GNA14: variants seen among roughly 807,000 people sequenced by gnomAD.
GNA14 encodes the protein guanine nucleotide-binding protein subunit alpha-14.
A neutral mutation model predicts 42.0 loss-of-function variants in GNA14; 50 were observed. That is an observed-to-expected ratio of 1.19 (90% CI 0.95 to 1.51). The LOEUF is 1.51. GNA14 is among the 40% of genes most tolerant of loss of function. GNA14 has a pLI of 0.00. For missense variants in GNA14, 473 were observed against 446.2 expected (o/e 1.06, Z -0.54); for synonymous variants, 173 against 163.1 (o/e 1.06, Z -0.46).
At chr9:77,589,210 G>A (rs893163580) in intron 1 of GNA14, among the ~76,000 whole-genome samples, 33 of 152,148 alleles carry the variant, frequency 2.2e-4, no homozygotes, top group African/African-American at 7.5e-4. Context: ...GGCCTGACAA[G>A]GAAATAAATG....
intron 1 of GNA14, among the ~76,000 whole-genome samples, chr9:77,627,041 T>A (rs1824022838): frequency 6.6e-6 from 1 of 151,944 alleles, no homozygotes; most frequent in Non-Finnish European, 1.5e-5. Context: ...ACAAAAATGA[T>A]AAAGAGGATA....
At chr9:77,638,068 T>A (rs1824209955) in intron 1 of GNA14, among the ~76,000 whole-genome samples, 1 of 152,244 alleles carries the variant, frequency 6.6e-6, no homozygotes, top group African/African-American at 2.4e-5. Flanking sequence ...AACATGGGTA[T>A]ATCAACATGT....
chr9:77,547,771 A>G (rs1422902269), intron 1 of GNA14, among the ~76,000 whole-genome samples: 1 of 152,232 alleles, frequency 6.6e-6, no homozygotes, highest in Non-Finnish European at 1.5e-5. Context: ...GTAAATGAGT[A>G]TAATTAATAA....
intron 1 of GNA14, among the ~76,000 whole-genome samples, chr9:77,644,437 CAAA>C (rs764737417): frequency 3.8e-4 from 13 of 34,020 alleles, no homozygotes; most frequent in East Asian, 1.3e-3. Flanking sequence ...TAAAGAGTGT[CAAA>C]AAAAAAAAAA....
At chr9:77,605,881 A>G (rs991394870) in intron 1 of GNA14, among the ~76,000 whole-genome samples, 2 of 152,200 alleles carry the variant, frequency 1.3e-5, no homozygotes, top group Admixed American at 6.5e-5. Context: ...GAGTTCTAAG[A>G]TCCTATTATA....
At chr9:77,614,539 A>G (rs1009445611) in intron 1 of GNA14, among the ~76,000 whole-genome samples, 2 of 152,176 alleles carry the variant, frequency 1.3e-5, no homozygotes, top group East Asian at 3.8e-4. Context: ...ATCCTTTCTC[A>G]GTCTATGAAA....
At chr9:77,520,531 TA>T (rs1837340236) in intron 2 of GNA14, among the ~76,000 whole-genome samples, 1 of 152,176 alleles carries the variant, frequency 6.6e-6, no homozygotes, top group Non-Finnish European at 1.5e-5. Context: ...TTCCCCTTTA[TA>T]TTTTAGGATA....
chr9:77,486,254 C>G (rs1359013357), intron 2 of GNA14, among the ~76,000 whole-genome samples: 1 of 152,188 alleles, frequency 6.6e-6, no homozygotes, highest in Non-Finnish European at 1.5e-5. Flanking sequence ...TTTCCATAAT[C>G]CTCATGAACC....
chr9:77,594,311 G>GC (rs1379725659), intron 1 of GNA14, among the ~76,000 whole-genome samples: 1 of 152,188 alleles, frequency 6.6e-6, no homozygotes, highest in East Asian at 1.9e-4. Context: ...GACCAGGTCT[G>GC]CCTCTGCCTT....
intron 2 of GNA14, among the ~76,000 whole-genome samples, chr9:77,508,310 C>T (rs992916131): frequency 2.0e-5 from 3 of 152,036 alleles, no homozygotes; most frequent in African/African-American, 4.8e-5. Context: ...ATATATCACA[C>T]GAGTTGTTTT....
chr9:77,586,973 C>A (rs1483993377), intron 1 of GNA14, among the ~76,000 whole-genome samples: 4 of 114,058 alleles, frequency 3.5e-5, no homozygotes, highest in Admixed American at 7.8e-5. Flanking sequence ...ATTTTACAGG[C>A]TGGTTTTTTT....
chr9:77,493,026 A>AAATATATATATAT (rs1554691641), intron 2 of GNA14, among the ~76,000 whole-genome samples: 1 of 51,728 alleles, frequency 1.9e-5, no homozygotes, highest in African/African-American at 1.1e-4. Context: ...AAAAAAAAAA[A>AAATATATATATAT]ATATATATAT....
At chr9:77,634,057 C>T (rs1261099825) in intron 1 of GNA14, among the ~76,000 whole-genome samples, 1 of 152,150 alleles carries the variant, frequency 6.6e-6, no homozygotes, top group African/African-American at 2.4e-5. Context: ...GAACAATTTA[C>T]AAATTTCTCA....
At chr9:77,430,981 C>T (rs1049269034) in intron 4 of GNA14, among the ~76,000 whole-genome samples, 14 of 145,062 alleles carry the variant, frequency 9.7e-5, no homozygotes, top group Non-Finnish European at 1.9e-4. Context: ...GAAAAGACAT[C>T]GATAATCACT....
intron 1 of GNA14, among the ~76,000 whole-genome samples, chr9:77,593,649 G>C (rs1047277050): frequency 6.6e-6 from 1 of 152,112 alleles, no homozygotes; most frequent in Admixed American, 6.5e-5. Flanking sequence ...CTGGGGGCAG[G>C]GCAGCCAGCT....
chr9:77,629,726 T>C (rs1372726207), intron 1 of GNA14, among the ~76,000 whole-genome samples: 1 of 152,116 alleles, frequency 6.6e-6, no homozygotes, highest in Non-Finnish European at 1.5e-5. Context: ...CCGGGTTCTG[T>C]CAGGGGGTAG....
chr9:77,493,145 A>T (rs1215882908), intron 2 of GNA14, among the ~76,000 whole-genome samples: 5 of 150,190 alleles, frequency 3.3e-5, no homozygotes, highest in Admixed American at 6.7e-5. Flanking sequence ...GGGGCATAGG[A>T]CATTTGAAGG....
chr9:77,584,574 CA>C (rs1823272857), intron 1 of GNA14, among the ~76,000 whole-genome samples: 1 of 148,356 alleles, frequency 6.7e-6, no homozygotes, highest in African/African-American at 2.5e-5. Context: ...CCAGCAAGCC[CA>C]AACTCAGATG....
chr9:77,552,311 TGA>T (rs1837796582), intron 1 of GNA14, among the ~76,000 whole-genome samples: 1 of 152,048 alleles, frequency 6.6e-6, no homozygotes, highest in Non-Finnish European at 1.5e-5. Flanking sequence ...TTTGAGAGGC[TGA>T]GAGATGAACA....
Sources: gnomAD v4.1 joint callset for allele counts (sites outside exome capture counted in the v4.1 genomes callset) on GRCh38, gnomAD v4.1.1 for gene constraint, MANE v1.5 for transcripts, NCBI Gene and HGNC (gene_info 2026-07-23, HGNC 2026-07-21) for gene names.